Variants in ZNF532 observed in about 807,000 individuals in gnomAD.
ZNF532 encodes zinc finger protein 532.
ZNF532 carries 22 observed loss-of-function variants against 89.3 expected under a neutral mutation model. That is an observed-to-expected ratio of 0.25 (90% CI 0.18 to 0.35). The LOEUF is 0.35. Among genes scored for constraint, ZNF532 ranks in the 10% least tolerant of loss-of-function variants. The pLI, the probability that ZNF532 is intolerant of heterozygous loss-of-function variation, is 1.00. For missense variants in ZNF532, 1,132 were observed against 1,643.4 expected (o/e 0.69, Z 5.38); for synonymous variants, 606 against 649.6 (o/e 0.93, Z 1.02).
At position 58,888,786 on chromosome 18, in the gene ZNF532, A is replaced by AAATT. The variant is rs1357037600; in HGVS notation, c.-18+23210_-18+23211insTAAT. 9.4e-3 allele frequency among the ~76,000 whole-genome samples: 58 copies of AAATT among 6,164 alleles called. 1 individual carries two copies. The highest frequency in any genetic ancestry group is 0.022 in the South Asian group (3 of 136). 4.0% of individuals were successfully genotyped at this position (6,164 alleles called of 152,430 possible). A position where few individuals can be genotyped will look rare whatever the true frequency, so the allele number is the denominator to read the frequency against. On this transcript the variant is annotated intron_variant, in intron 2 of 9. Transcript: ENST00000591808. ...AATATATATAATTTATATATATATA[A>AAATT]AATATATATAATTTATATATATAAA...
chr18:58,892,663 C>T (rs1452544684), intron 2 of ZNF532, among the ~76,000 whole-genome samples: 1 of 152,242 alleles, frequency 6.6e-6, no homozygotes, highest in Non-Finnish European at 1.5e-5. Flanking sequence ...AAGCGCTTCA[C>T]AACGATGCTA....
At chr18:58,863,304 C>A (rs1421227091), upstream of ZNF532, 1 of 151,584 alleles carries the variant, frequency 6.6e-6, no homozygotes, top group African/African-American at 2.4e-5. Flanking sequence ...AGCCAGCGGC[C>A]CCGTATGGGC....
intron 3 of ZNF532, among the ~76,000 whole-genome samples, chr18:58,926,570 A>G (rs1268802460): frequency 7.3e-5 from 11 of 151,702 alleles, no homozygotes; most frequent in African/African-American, 2.7e-4. Flanking sequence ...CTGGTCTCGA[A>G]CTCCTGAGCT....
At chr18:58,908,889 T>C (rs544356476) in intron 2 of ZNF532, among the ~76,000 whole-genome samples, 1 of 152,366 alleles carries the variant, frequency 6.6e-6, no homozygotes, top group East Asian at 1.9e-4. Flanking sequence ...GTCTTGTCTT[T>C]GTGAAAGACC....
chr18:58,889,581 C>G (rs2058735594), intron 2 of ZNF532, among the ~76,000 whole-genome samples: 1 of 150,982 alleles, frequency 6.6e-6, no homozygotes, highest in Non-Finnish European at 1.5e-5. Flanking sequence ...AGGCGGATCA[C>G]TTGATGTCAG....
At chr18:58,917,315 A>G (rs1179277493) in intron 2 of ZNF532, among the ~76,000 whole-genome samples, 1 of 152,156 alleles carries the variant, frequency 6.6e-6, no homozygotes, top group African/African-American at 2.4e-5. Context: ...TTTATGCTAG[A>G]AAGATGAGTG....
intron 2 of ZNF532, among the ~76,000 whole-genome samples, chr18:58,889,948 G>A (rs572924989): frequency 5.0e-4 from 76 of 151,448 alleles, no homozygotes; most frequent in African/African-American, 1.8e-3. Flanking sequence ...AGGTGTGGTG[G>A]CATGCACCTG....
In ZNF532 at chr18:58,865,115, C is replaced by T. The variant is rs1001613838; in HGVS notation, c.-398C>T. On this transcript the variant is annotated 5_prime_UTR_variant, in exon 1 of 10. Coordinates refer to ENST00000591808, the MANE Select transcript of ZNF532 (RefSeq NM_001375912.1). ...TTTTGCTTAAGGGATGGACAAGGAG[C>T]TGAGATTTATGACCCTTATTAGAGA... 1.3e-5 allele frequency: 2 copies of T among 151,798 alleles called. No homozygotes were observed. Among genetic ancestry groups the T allele is most frequent in the African/African-American group, 2.4e-5 (1 of 41,306 alleles). 9.4% of individuals were successfully genotyped at this position (151,798 alleles called of 1,614,324 possible).
At chr18:58,978,614 A>G (rs2067329677) in intron 7 of ZNF532, among the ~76,000 whole-genome samples, 1 of 152,070 alleles carries the variant, frequency 6.6e-6, no homozygotes, top group Non-Finnish European at 1.5e-5. Flanking sequence ...CCCTGTCCTC[A>G]TTTTTATTAT....
intron 2 of ZNF532, among the ~76,000 whole-genome samples, chr18:58,866,306 T>C (rs1322684080): frequency 6.6e-6 from 1 of 152,186 alleles, no homozygotes; most frequent in Non-Finnish European, 1.5e-5. Context: ...GGCATTTTAA[T>C]GCACCTTCCA....
chr18:58,965,804 T>A (rs1223040358), intron 7 of ZNF532, among the ~76,000 whole-genome samples: 1 of 152,212 alleles, frequency 6.6e-6, no homozygotes, highest in African/African-American at 2.4e-5. Flanking sequence ...GGCTTGAATT[T>A]AGCAGTTGCC....
At chr18:58,957,452 G>A (rs1454350183) in intron 7 of ZNF532, among the ~76,000 whole-genome samples, 2 of 145,084 alleles carry the variant, frequency 1.4e-5, no homozygotes, top group African/African-American at 5.1e-5. Context: ...AAATAACTTG[G>A]GGAATAATCT....
At chr18:58,951,034 C>T (rs933577303) in intron 6 of ZNF532, among the ~76,000 whole-genome samples, 1 of 151,942 alleles carries the variant, frequency 6.6e-6, no homozygotes, top group Non-Finnish European at 1.5e-5. Context: ...GGGCTCAAGG[C>T]AGCCTCCATG....
chr18:58,962,261 C>T (rs965957181), intron 7 of ZNF532, among the ~76,000 whole-genome samples: 2 of 152,032 alleles, frequency 1.3e-5, no homozygotes, highest in African/African-American at 2.4e-5. Context: ...CCAATGTGAC[C>T]TTTCTCCTCG....
intron 7 of ZNF532, among the ~76,000 whole-genome samples, chr18:58,975,565 C>T (rs1047123255): frequency 6.6e-6 from 1 of 152,126 alleles, no homozygotes; most frequent in African/African-American, 2.4e-5. Flanking sequence ...CCGTACCATC[C>T]CAAGCACAGC....
intron 3 of ZNF532, among the ~76,000 whole-genome samples, chr18:58,924,094 T>A (rs1266584392): frequency 6.6e-6 from 1 of 152,228 alleles, no homozygotes; most frequent in Non-Finnish European, 1.5e-5. Context: ...TAACCTCAAG[T>A]GATCCACCCG....
intron 4 of ZNF532, among the ~76,000 whole-genome samples, chr18:58,938,818 C>T (rs2062696129): frequency 6.6e-6 from 1 of 152,118 alleles, no homozygotes; most frequent in African/African-American, 2.4e-5. Flanking sequence ...GGCCCTGGTG[C>T]CAGAATCCAG....
rs374010350 is a variant in ZNF532, at chr18:58,942,311, C to T, written c.2705+2690C>T. Among the ~76,000 whole-genome samples the T allele has an allele frequency of 7.1e-5, 9 of 126,114 alleles. 1 individual carries two copies. Among genetic ancestry groups the T allele is most frequent in the South Asian group, 7.0e-4 (2 of 2,838 alleles). The allele number at this position is 126,114 out of a possible 152,430, so 82.7% of individuals were successfully genotyped here. On this transcript the variant is annotated intron_variant, in intron 5 of 9. Coordinates refer to ENST00000591808, the MANE Select transcript of ZNF532 (RefSeq NM_001375912.1). ...TGCTGGGATTACAGGCGTGAGCCAC[C>T]GCGCCTGGCCCCTCCCTCCCTCCCT...
chr18:58,900,713 C>A (rs1465189979), intron 2 of ZNF532, among the ~76,000 whole-genome samples: 1 of 152,146 alleles, frequency 6.6e-6, no homozygotes, highest in South Asian at 2.1e-4. Context: ...TTTTGGCAAC[C>A]GTTATTGACA....
Sources: allele counts gnomAD v4.1 joint callset (sites outside exome capture counted in the v4.1 genomes callset), GRCh38; gene constraint gnomAD v4.1.1; transcripts MANE v1.5; gene names NCBI Gene and HGNC (gene_info 2026-07-23, HGNC 2026-07-21).